Variants in STAG1 observed in about 807,000 individuals in gnomAD.
STAG1 encodes cohesin subunit SA-1.
Under a neutral mutation model 170.9 loss-of-function variants are expected in STAG1, and 26 were observed. The ratio of observed to expected loss-of-function variants is 0.15; its 90% CI spans 0.11 to 0.21. STAG1 has a LOEUF of 0.21. Ranked by LOEUF, STAG1 falls within the 10% of genes least tolerant of loss-of-function variation. STAG1 has a pLI of 1.00. For synonymous variants in STAG1, 514 were observed against 497.7 expected, an observed-to-expected ratio of 1.03 and a Z score of -0.44; for missense variants, 964 against 1,509.5, an observed-to-expected ratio of 0.64 and a Z score of 5.99.
intron 21 of STAG1, 84 bp downstream of exon 21, chr3:136,417,801 T>C (rs1392400963): frequency 1.0e-6 from 1 of 995,150 alleles, no homozygotes; most frequent in African/African-American, 1.6e-5. Flanking sequence ...TCAATTACTT[T>C]CTATAAAAGG....
chr3:136,363,605 A>C, intron 25 of STAG1, 138 bp from the exon 26 acceptor site: 1 of 462,712 alleles, frequency 2.2e-6, no homozygotes, highest in South Asian at 4.9e-5. Flanking sequence ...GGAAAGGTAA[A>C]TAAAAAAGTG....
intron 19 of STAG1, 105 bp downstream of exon 19, chr3:136,422,305 A>G (rs1260101994): frequency 6.4e-6 from 7 of 1,089,070 alleles, no homozygotes; most frequent in Non-Finnish European, 8.0e-6. Context: ...GGGGCAGACA[A>G]TTCTACTCAA....
intron 1 of STAG1, among the ~76,000 whole-genome samples, chr3:136,706,250 A>T (rs976096966): frequency 6.6e-6 from 1 of 152,228 alleles, no homozygotes; most frequent in Non-Finnish European, 1.5e-5. Flanking sequence ...TAGCCAGGCA[A>T]GAAAAGAATT....
At chr3:136,585,605 T>C (rs2107784873) in intron 4 of STAG1, among the ~76,000 whole-genome samples, 1 of 151,400 alleles carries the variant, frequency 6.6e-6, no homozygotes, top group Admixed American at 6.6e-5. Flanking sequence ...ATAATAATAA[T>C]AATAATAATA....
At chr3:136,594,042 T>A (rs1424381061) in intron 4 of STAG1, among the ~76,000 whole-genome samples, 3 of 152,330 alleles carry the variant, frequency 2.0e-5, no homozygotes, top group South Asian at 4.1e-4. Flanking sequence ...ACTTTCAAGC[T>A]TCTCAGTCAA....
intron 25 of STAG1, among the ~76,000 whole-genome samples, chr3:136,364,054 C>T (rs1029810810): frequency 1.3e-5 from 2 of 151,656 alleles, no homozygotes; most frequent in African/African-American, 4.8e-5. Flanking sequence ...GCCACTGCAC[C>T]TGGCCTTCTC....
At chr3:136,668,444 T>C (rs1414714409) in intron 1 of STAG1, among the ~76,000 whole-genome samples, 1 of 146,924 alleles carries the variant, frequency 6.8e-6, no homozygotes. Flanking sequence ...ATATTATATT[T>C]ATATTTATAT....
At chr3:136,403,147 G>A (rs2087378765) in intron 21 of STAG1, among the ~76,000 whole-genome samples, 1 of 132,536 alleles carries the variant, frequency 7.5e-6, no homozygotes, top group South Asian at 2.7e-4. Flanking sequence ...AGAATGACTT[G>A]AACCTGGGAG....
chr3:136,750,752 G>A (rs1185786592), intron 1 of STAG1, among the ~76,000 whole-genome samples: 4 of 152,272 alleles, frequency 2.6e-5, no homozygotes, highest in East Asian at 1.9e-4. Context: ...TGTCTTATAA[G>A]TATTCTTAAT....
chr3:136,425,060 G>A (rs1048498206), intron 16 of STAG1, among the ~76,000 whole-genome samples: 16 of 151,864 alleles, frequency 1.1e-4, no homozygotes, highest in African/African-American at 3.9e-4. Context: ...GGATGATCTC[G>A]ATCTCCCGAC....
intron 7 of STAG1, among the ~76,000 whole-genome samples, chr3:136,507,416 C>A (rs1933820553): frequency 6.6e-6 from 1 of 152,110 alleles, no homozygotes; most frequent in East Asian, 1.9e-4. Context: ...CAGAATAGAG[C>A]ACAGTGGTGC....
At chr3:136,705,826 T>C (rs1428754078) in intron 1 of STAG1, among the ~76,000 whole-genome samples, 1 of 152,078 alleles carries the variant, frequency 6.6e-6, no homozygotes, top group African/African-American at 2.4e-5. Flanking sequence ...AATGAACTAA[T>C]ACAACATATT....
intron 4 of STAG1, among the ~76,000 whole-genome samples, chr3:136,575,106 CTACAG>C: frequency 6.6e-6 from 1 of 152,244 alleles, no homozygotes. Flanking sequence ...TTGAATCCAC[CTACAG>C]TAGTGTTTAC....
At chr3:136,371,788 A>C (rs944131968) in intron 23 of STAG1, among the ~76,000 whole-genome samples, 8 of 152,162 alleles carry the variant, frequency 5.3e-5, no homozygotes, top group African/African-American at 1.4e-4. Context: ...GTCAGGTAGC[A>C]TGATGCCTCC....
chr3:136,702,449 C>A (rs13100192), intron 1 of STAG1, among the ~76,000 whole-genome samples: 25,130 of 152,060 alleles, frequency 0.17, 2,468 homozygotes, highest in Non-Finnish European at 0.22. Context: ...TGCAATGGCG[C>A]GATCTCGGCT....
At chr3:136,665,332 T>A (rs67231188) in intron 1 of STAG1, among the ~76,000 whole-genome samples, 12,003 of 152,232 alleles carry the variant, frequency 0.079, 498 homozygotes, top group Non-Finnish European at 0.094. Context: ...GAGGAAGGAC[T>A]GTGGCTAGGC....
In STAG1 at chr3:136,546,551, T is replaced by C. The variant is rs144080910; in HGVS notation, c.395-4356A>G. ...CAATAAAAAGTAATTCTAGAGAAGA[T>C]TGTTACCTTTCATCGCATGGTATGG... On this transcript the variant is annotated intron_variant, in intron 5 of 33. Coordinates refer to ENST00000383202, the MANE Select transcript of STAG1 (RefSeq NM_005862.3). Among the ~76,000 whole-genome samples, 1,042 of 152,230 alleles carry C rather than the reference T, an allele frequency of 6.8e-3. 6 individuals are homozygous for C. Among genetic ancestry groups the C allele is most frequent in the Non-Finnish European group, 0.01 (684 of 68,008 alleles).
chr3:136,615,131 G>A (rs2107821279), intron 3 of STAG1, among the ~76,000 whole-genome samples: 1 of 151,998 alleles, frequency 6.6e-6, no homozygotes, highest in South Asian at 2.1e-4. Flanking sequence ...CATAAAATTA[G>A]TTAAGAATTA....
chr3:136,473,084 CA>C (rs1423434229), intron 11 of STAG1, among the ~76,000 whole-genome samples: 1 of 152,138 alleles, frequency 6.6e-6, no homozygotes, highest in Non-Finnish European at 1.5e-5. Flanking sequence ...ATAGGAACAA[CA>C]GGAACATGAA....
Sources: gnomAD v4.1 joint callset for allele counts (sites outside exome capture counted in the v4.1 genomes callset) on GRCh38, gnomAD v4.1.1 for gene constraint, MANE v1.5 for transcripts, NCBI Gene and HGNC (gene_info 2026-07-23, HGNC 2026-07-21) for gene names.